Variants in JMJD1C observed in about 807,000 individuals in gnomAD.
The protein encoded by JMJD1C is jumonji domain-containing protein 1C.
A neutral mutation model predicts 245.3 loss-of-function variants in JMJD1C; 31 were observed. The observed-to-expected ratio is 0.13, with a 90% CI of 0.09 to 0.17. The LOEUF is 0.17. Among genes scored for constraint, JMJD1C ranks in the 10% least tolerant of loss-of-function variants. JMJD1C has a pLI of 1.00. For missense variants in JMJD1C, 2,691 were observed against 3,000.2 expected, an observed-to-expected ratio of 0.90 and a Z score of 2.41; for synonymous variants, 1,057 against 1,017.4, an observed-to-expected ratio of 1.04 and a Z score of -0.74.
At chr10:63,484,024 G>C (rs2133194903) in intron 1 of JMJD1C, among the ~76,000 whole-genome samples, 1 of 152,118 alleles carries the variant, frequency 6.6e-6, no homozygotes, top group African/African-American at 2.4e-5. Flanking sequence ...TACTTTTTCA[G>C]GTGAGGAAAC....
chr10:63,477,551 G>T (rs1441560592), intron 1 of JMJD1C, among the ~76,000 whole-genome samples: 2 of 27,810 alleles, frequency 7.2e-5, no homozygotes, highest in Non-Finnish European at 1.6e-4. Context: ...TCATCCATAT[G>T]TCAAAAAAAA....
chr10:63,387,590 T>C (rs1245949201), intron 1 of JMJD1C, among the ~76,000 whole-genome samples: 1 of 149,086 alleles, frequency 6.7e-6, no homozygotes, highest in Non-Finnish European at 1.5e-5. Flanking sequence ...TTGACAGACC[T>C]TTTGAAATAA....
intron 1 of JMJD1C, 101 bp downstream of exon 1, chr10:63,465,394 T>A: frequency 8.1e-7 from 1 of 1,241,346 alleles, no homozygotes; most frequent in Non-Finnish European, 1.1e-6. Context: ...GACCGCCAGT[T>A]GGCCGGGCTG....
chr10:63,285,911 G>A (rs1857936172), intron 2 of JMJD1C, among the ~76,000 whole-genome samples: 1 of 152,214 alleles, frequency 6.6e-6, no homozygotes, highest in South Asian at 2.1e-4. Flanking sequence ...AAGCCCATTT[G>A]CTTGAGAGCA....
intron 1 of JMJD1C, among the ~76,000 whole-genome samples, chr10:63,510,084 G>A (rs1304919230): frequency 6.6e-6 from 1 of 151,234 alleles, no homozygotes; most frequent in Non-Finnish European, 1.5e-5. Context: ...CTCACTGCAA[G>A]CTCCGCCTCC....
intron 1 of JMJD1C, among the ~76,000 whole-genome samples, chr10:63,461,855 A>G (rs1374568465): frequency 1.3e-5 from 2 of 152,228 alleles, no homozygotes; most frequent in Non-Finnish European, 2.9e-5. Context: ...TAAATAAATC[A>G]CTGAGATCAT....
chr10:63,331,643 C>T (rs1271985048), intron 2 of JMJD1C, among the ~76,000 whole-genome samples: 1 of 152,176 alleles, frequency 6.6e-6, no homozygotes, highest in African/African-American at 2.4e-5. Context: ...GAGCCAGTCT[C>T]GCTCTGTTGC....
chr10:63,174,934 A>C (rs1842749406), intron 24 of JMJD1C, among the ~76,000 whole-genome samples: 1 of 152,212 alleles, frequency 6.6e-6, no homozygotes, highest in African/African-American at 2.4e-5. Flanking sequence ...TTACCTAACT[A>C]TGCATTTGTT....
At chr10:63,193,529 A>C (rs560289522) in intron 14 of JMJD1C, 57 bp from the exon 15 acceptor site, 1 of 1,299,510 alleles carries the variant, frequency 7.7e-7, no homozygotes, top group Admixed American at 2.5e-5. Context: ...AATGCTGTAA[A>C]ATTTTTTTCT....
At chr10:63,281,549 C>A (rs1857402290) in intron 2 of JMJD1C, among the ~76,000 whole-genome samples, 1 of 137,194 alleles carries the variant, frequency 7.3e-6, no homozygotes, top group Non-Finnish European at 1.5e-5. Flanking sequence ...CGGCTCACTG[C>A]GACCTCTGCC....
chr10:63,222,407 G>C (rs1470083925), intron 3 of JMJD1C: 1 of 957,522 alleles, frequency 1.0e-6, no homozygotes, highest in Non-Finnish European at 1.7e-6. Flanking sequence ...TGGTAAATTT[G>C]AAAAGAATAA....
intron 1 of JMJD1C, among the ~76,000 whole-genome samples, chr10:63,460,594 T>C (rs563094082): frequency 6.6e-6 from 1 of 152,300 alleles, no homozygotes; most frequent in East Asian, 1.9e-4. Flanking sequence ...ATGACATTCC[T>C]TTATTATTCC....
chr10:63,285,223 A>T (rs1250596954), intron 2 of JMJD1C, among the ~76,000 whole-genome samples: 2 of 152,208 alleles, frequency 1.3e-5, no homozygotes, highest in African/African-American at 4.8e-5. Context: ...TAATGACTTA[A>T]CAACACCTGG....
chr10:63,322,227 A>G (rs1018278054), intron 2 of JMJD1C, among the ~76,000 whole-genome samples: 1 of 152,218 alleles, frequency 6.6e-6, no homozygotes, highest in Non-Finnish European at 1.5e-5. Flanking sequence ...AGAGAAAAGA[A>G]TATTATTAAA....
At chr10:63,514,390 C>G (rs564967588) in intron 1 of JMJD1C, among the ~76,000 whole-genome samples, 1 of 152,094 alleles carries the variant, frequency 6.6e-6, no homozygotes, top group Admixed American at 6.5e-5. Context: ...TGCCCATCAA[C>G]AGGATTGGAT....
In JMJD1C at chr10:63,465,606, G is replaced by A. The variant is rs2133124257; in HGVS notation, c.57C>T (p.Val19=). The change falls in exon 1 of 26, where the codon GTC becomes GTT. Residue 19 remains valine, a synonymous_variant. Coordinates refer to ENST00000399262, the MANE Select transcript of JMJD1C (RefSeq NM_032776.3). ...LVGKRFLCVA[V]GDEARSERWE... is the part of the protein sequence containing the mutation. Reference sequence around the variant, plus strand: ...AGCGCTCCGAACGTGCCTCGTCGCCGACCGCCACACACAGGAACCGCTTAC... The same window carrying A: ...AGCGCTCCGAACGTGCCTCGTCGCCAACCGCCACACACAGGAACCGCTTAC... 2 of 1,609,708 alleles carry A rather than the reference G, an allele frequency of 1.2e-6. No homozygotes were observed. Among genetic ancestry groups the A allele is most frequent in the Non-Finnish European group, 1.7e-6 (2 of 1,179,864 alleles).
At chr10:63,244,454 C>T (rs1265299568) in intron 3 of JMJD1C, among the ~76,000 whole-genome samples, 3 of 152,062 alleles carry the variant, frequency 2.0e-5, no homozygotes, top group Non-Finnish European at 2.9e-5. Flanking sequence ...AGCCAAAACA[C>T]GCCAGTCAGA....
chr10:63,364,331 G>A (rs529947173), intron 2 of JMJD1C, among the ~76,000 whole-genome samples: 22 of 152,170 alleles, frequency 1.4e-4, no homozygotes, highest in Middle Eastern at 3.2e-3. Flanking sequence ...GATTACAGGC[G>A]TGAAGCCTGG....
At position 63,208,282 on chromosome 10, in the gene JMJD1C, T is replaced by A. The variant is rs1239754262; in HGVS notation, c.3387A>T (p.Ala1129=). The change falls in exon 10 of 26, where the codon GCA becomes GCT. Residue 1129 remains alanine, a synonymous_variant. Coordinates refer to ENST00000399262, the MANE Select transcript of JMJD1C (RefSeq NM_032776.3). ...GDKQSNALAA[A]AANPQTLTSF... is the part of the protein sequence containing the mutation. ...AAGTCAGAGTTTGAGGATTAGCTGCTGCCGCTGCAAGGGCATTACTCTGTT... is the reference window on the plus strand; with the variant it reads ...AAGTCAGAGTTTGAGGATTAGCTGCAGCCGCTGCAAGGGCATTACTCTGTT... The A allele has an allele frequency of 6.2e-7, 1 of 1,614,134 alleles. No individual in the cohort carries two copies. The highest frequency in any genetic ancestry group is 1.1e-5 in the South Asian group (1 of 91,074).
Sources: allele counts gnomAD v4.1 joint callset (sites outside exome capture counted in the v4.1 genomes callset), GRCh38; gene constraint gnomAD v4.1.1; transcripts MANE v1.5; gene names NCBI Gene and HGNC (gene_info 2026-07-23, HGNC 2026-07-21).